Variants in PLPPR1 observed in about 807,000 individuals in gnomAD.
PLPPR1 encodes the protein phospholipid phosphatase related 1, also known as phospholipid phosphatase-related protein type 1.
PLPPR1 carries 10 observed loss-of-function variants against 33.1 expected under a neutral mutation model. The observed-to-expected ratio is 0.30, with a 90% CI of 0.19 to 0.51. The LOEUF (loss-of-function observed/expected upper bound fraction) is 0.51, where lower values mean the gene tolerates loss of function less well. Among genes scored for constraint, PLPPR1 ranks in the 20% least tolerant of loss-of-function variants. The pLI is 0.97. For synonymous variants in PLPPR1, 151 were observed against 151.0 expected, an observed-to-expected ratio of 1.00 and a Z score of 0.00; for missense variants, 304 against 408.1, an observed-to-expected ratio of 0.74 and a Z score of 2.20.
At chr9:101,056,863 A>G (rs1186590591) in intron 1 of PLPPR1, among the ~76,000 whole-genome samples, 1 of 152,158 alleles carries the variant, frequency 6.6e-6, no homozygotes, top group African/African-American at 2.4e-5. Context: ...GGACTGAAGT[A>G]TGAACCACAA....
At position 101,028,845 on chromosome 9, in the gene PLPPR1, G is replaced by C. The variant is rs1290589738; in HGVS notation, c.-303G>C. ...GCAGAGCGCGGGATGGGCGCCCAGC[G>C]GCATCTGTGATCCCGCGCACCTCCG... On this transcript the variant is annotated 5_prime_UTR_variant, in exon 1 of 8. Transcript: ENST00000374874. 6.6e-6 allele frequency: 1 copy of C among 152,440 alleles called. No individual in the cohort carries two copies. Among genetic ancestry groups the C allele is most frequent in the African/African-American group, 2.4e-5 (1 of 41,460 alleles). 9.4% of individuals were successfully genotyped at this position (152,440 alleles called of 1,614,324 possible).
At chr9:101,153,592 T>G (rs903633654) in intron 1 of PLPPR1, among the ~76,000 whole-genome samples, 1 of 152,140 alleles carries the variant, frequency 6.6e-6, no homozygotes, top group Non-Finnish European at 1.5e-5. Context: ...ATTTATTTAT[T>G]GAGACAGAGT....
intron 6 of PLPPR1, among the ~76,000 whole-genome samples, chr9:101,314,695 T>C (rs1028587864): frequency 1.3e-5 from 2 of 151,852 alleles, no homozygotes; most frequent in African/African-American, 4.8e-5. Flanking sequence ...GCATGTGCTG[T>C]TGAAAAAATG....
chr9:101,080,101 T>G (rs1830599924), intron 1 of PLPPR1, among the ~76,000 whole-genome samples: 1 of 152,196 alleles, frequency 6.6e-6, no homozygotes, highest in Non-Finnish European at 1.5e-5. Context: ...TTTTTTTCAC[T>G]GACAGTTCCT....
At chr9:101,071,277 A>G (rs1830479411) in intron 1 of PLPPR1, among the ~76,000 whole-genome samples, 1 of 152,166 alleles carries the variant, frequency 6.6e-6, no homozygotes. Flanking sequence ...GGCAACCAGA[A>G]GGATGGAAAG....
At chr9:101,080,174 C>A (rs968780711) in intron 1 of PLPPR1, among the ~76,000 whole-genome samples, 3 of 152,038 alleles carry the variant, frequency 2.0e-5, no homozygotes, top group African/African-American at 7.2e-5. Flanking sequence ...TATTTAGAAT[C>A]TCTGCATACT....
intron 3 of PLPPR1, among the ~76,000 whole-genome samples, chr9:101,275,882 C>T (rs1828183114): frequency 6.6e-6 from 1 of 152,072 alleles, no homozygotes; most frequent in Non-Finnish European, 1.5e-5. Flanking sequence ...CAAGACTCAT[C>T]TAGAATTTCC....
chr9:101,068,117 A>G (rs1318028737), intron 1 of PLPPR1, among the ~76,000 whole-genome samples: 2 of 152,156 alleles, frequency 1.3e-5, no homozygotes, highest in African/African-American at 4.8e-5. Flanking sequence ...TGTTATATTA[A>G]TGCCAAACAT....
intron 1 of PLPPR1, among the ~76,000 whole-genome samples, chr9:101,097,260 G>A (rs947555929): frequency 6.6e-6 from 1 of 152,164 alleles, no homozygotes; most frequent in Non-Finnish European, 1.5e-5. Flanking sequence ...TGCTGCGCCT[G>A]GTGGTCTGGA....
At chr9:101,206,389 A>G (rs1014323621) in intron 2 of PLPPR1, among the ~76,000 whole-genome samples, 7 of 152,192 alleles carry the variant, frequency 4.6e-5, no homozygotes, top group African/African-American at 1.7e-4. Context: ...GTAGGACTAT[A>G]TCTGAAAATG....
At chr9:101,303,854 C>T (rs762723410) in intron 4 of PLPPR1, among the ~76,000 whole-genome samples, 1 of 152,140 alleles carries the variant, frequency 6.6e-6, no homozygotes, top group African/African-American at 2.4e-5. Flanking sequence ...AATACTGAAA[C>T]TGACAACCAT....
intron 2 of PLPPR1, among the ~76,000 whole-genome samples, chr9:101,223,704 T>C (rs924057907): frequency 5.3e-5 from 8 of 152,218 alleles, no homozygotes; most frequent in African/African-American, 1.9e-4. Context: ...CCTACCAACC[T>C]GTGAAGAGGT....
intron 1 of PLPPR1, among the ~76,000 whole-genome samples, chr9:101,182,839 A>G (rs1826138735): frequency 6.6e-6 from 1 of 151,832 alleles, no homozygotes; most frequent in Non-Finnish European, 1.5e-5. Context: ...AGGTATTTGA[A>G]TAGACACTTC....
rs117646651 is a variant in PLPPR1, at chr9:101,068,298, C to T, written c.-46+39196C>T. ...GAGAAGAAAGATAACACTCCAGTGT[C>T]AGTAGAGTCATGGCTGTAGAGACAT... On this transcript the variant is annotated intron_variant, in intron 1 of 7. Coordinates refer to ENST00000374874, the MANE Select transcript of PLPPR1 (RefSeq NM_207299.2). 9.3e-3 allele frequency among the ~76,000 whole-genome samples: 1,421 copies of T among 152,000 alleles called. 62 individuals carry two copies. In the East Asian group the frequency reaches 0.15, roughly 16 times the overall value.
intron 1 of PLPPR1, among the ~76,000 whole-genome samples, chr9:101,129,125 A>G (rs1197705765): frequency 2.0e-5 from 3 of 151,970 alleles, no homozygotes; most frequent in East Asian, 3.9e-4. Context: ...TTGTCCTCTA[A>G]TTCTTTAGTG....
intron 1 of PLPPR1, among the ~76,000 whole-genome samples, chr9:101,079,501 C>T (rs1480657075): frequency 2.6e-5 from 4 of 151,824 alleles, no homozygotes; most frequent in Non-Finnish European, 5.9e-5. Context: ...AATAGTTGGG[C>T]ATGTAAGGGC....
At chr9:101,184,813 T>C (rs570677370) in intron 1 of PLPPR1, among the ~76,000 whole-genome samples, 128 of 152,128 alleles carry the variant, frequency 8.4e-4, no homozygotes, top group African/African-American at 2.9e-3. Context: ...GAATGTCTTA[T>C]AAGTTAAATG....
At chr9:101,125,797 T>C (rs149256075) in intron 1 of PLPPR1, 8 of 837,170 alleles carry the variant, frequency 9.6e-6, no homozygotes, top group African/African-American at 5.1e-5. Flanking sequence ...CCCAGAACAT[T>C]GTCTTAAAAC....
chr9:101,156,908 CTATATGACA>C (rs3983752), intron 1 of PLPPR1, among the ~76,000 whole-genome samples: 66,546 of 151,500 alleles, frequency 0.44, 15,190 homozygotes, highest in Non-Finnish European at 0.5. Context: ...ATAAAGGTCC[CTATATGACA>C]TATAAAGAAG....
Sources: gnomAD v4.1 joint callset for allele counts (sites outside exome capture counted in the v4.1 genomes callset) on GRCh38, gnomAD v4.1.1 for gene constraint, MANE v1.5 for transcripts, NCBI Gene and HGNC (gene_info 2026-07-23, HGNC 2026-07-21) for gene names.